Variants in DNAH7 observed in about 807,000 individuals in gnomAD.
DNAH7 encodes axonemal beta dynein heavy chain 7.
In DNAH7, 397 loss-of-function variants were observed where a neutral mutation model predicts 444.6. That is an observed-to-expected ratio of 0.89 (90% CI 0.82 to 0.97). DNAH7 has a LOEUF of 0.97. Among genes scored for constraint, DNAH7 ranks in the 50% least tolerant of loss-of-function variants. DNAH7 has a pLI of 0.00. For missense variants in DNAH7, 4,902 were observed against 4,800.8 expected (o/e 1.02, Z -0.62); for synonymous variants, 1,636 against 1,624.4 (o/e 1.01, Z -0.17).
chr2:195,771,503 T>C (rs185171377), intron 61 of DNAH7, among the ~76,000 whole-genome samples, 157 bp downstream of exon 61: 1 of 152,342 alleles, frequency 6.6e-6, no homozygotes, highest in African/African-American at 2.4e-5. Flanking sequence ...CCCAGAATTC[T>C]ATAAGCTCCT....
chr2:195,875,889 C>T, intron 37 of DNAH7, 46 bp from the exon 38 acceptor site: 1 of 1,548,490 alleles, frequency 6.5e-7, no homozygotes, highest in Non-Finnish European at 8.7e-7. Flanking sequence ...AACATCTCAA[C>T]ATACAGTCCT....
At chr2:195,982,643 AT>A (rs1225292573) in intron 15 of DNAH7, among the ~76,000 whole-genome samples, 1 of 152,266 alleles carries the variant, frequency 6.6e-6, no homozygotes, top group Non-Finnish European at 1.5e-5. Flanking sequence ...CTATTCAGTT[AT>A]AAAAAAGAAT....
intron 17 of DNAH7, among the ~76,000 whole-genome samples, chr2:195,963,215 C>T (rs954979015): frequency 6.6e-6 from 1 of 152,208 alleles, no homozygotes; most frequent in African/African-American, 2.4e-5. Context: ...GTTGTACTAA[C>T]TTACCTTCCA....
chr2:195,750,873 A>C (rs1693759392), intron 63 of DNAH7, among the ~76,000 whole-genome samples: 1 of 152,194 alleles, frequency 6.6e-6, no homozygotes, highest in African/African-American at 2.4e-5. Flanking sequence ...CCATTGCCAA[A>C]TACTTAATTT....
At chr2:195,934,865 G>A (rs2125407274) in intron 20 of DNAH7, 76 bp from the exon 21 acceptor site, 1 of 1,473,798 alleles carries the variant, frequency 6.8e-7, no homozygotes, top group East Asian at 2.4e-5. Flanking sequence ...TTCGTTTAAA[G>A]TTCATAAATG....
At chr2:195,987,384 C>A (rs1692992072) in intron 13 of DNAH7, among the ~76,000 whole-genome samples, 191 bp from the exon 14 acceptor site, 1 of 151,838 alleles carries the variant, frequency 6.6e-6, no homozygotes, top group South Asian at 2.1e-4. Context: ...GGGTAAATAT[C>A]CTTGAAAAGT....
chr2:195,783,775 G>T (rs1171082747), intron 58 of DNAH7, among the ~76,000 whole-genome samples: 3 of 152,116 alleles, frequency 2.0e-5, no homozygotes, highest in South Asian at 2.1e-4. Flanking sequence ...TCTCCATTCT[G>T]TTGTAAGAGT....
intron 60 of DNAH7, 150 bp from the exon 61 acceptor site, chr2:195,772,040 T>A (rs1367730401): frequency 1.4e-6 from 1 of 695,922 alleles, no homozygotes; most frequent in African/African-American, 1.8e-5. Flanking sequence ...ATTAAAGTGA[T>A]GGTAACAGGC....
chr2:195,783,826 C>G (rs1379863897), intron 58 of DNAH7, among the ~76,000 whole-genome samples: 1 of 152,052 alleles, frequency 6.6e-6, no homozygotes, highest in African/African-American at 2.4e-5. Context: ...AAAAGCACAC[C>G]AATAACAACA....
intron 21 of DNAH7, among the ~76,000 whole-genome samples, chr2:195,929,312 C>T (rs1210973697): frequency 1.3e-5 from 2 of 152,062 alleles, no homozygotes; most frequent in African/African-American, 4.8e-5. Context: ...AAGCAACCTA[C>T]AAATTCAACA....
At chr2:195,957,486 C>A (rs1442091912) in intron 18 of DNAH7, 39 bp from the exon 19 acceptor site, 1 of 1,439,168 alleles carries the variant, frequency 6.9e-7, no homozygotes, top group Non-Finnish European at 9.2e-7. Context: ...TGACAGCAAA[C>A]CAAGCAAATG....
intron 48 of DNAH7, among the ~76,000 whole-genome samples, chr2:195,824,768 G>A (rs1207033581): frequency 6.6e-6 from 1 of 152,088 alleles, no homozygotes; most frequent in Non-Finnish European, 1.5e-5. Flanking sequence ...ATCCATCTGA[G>A]ACACCAGAGA....
At chr2:195,986,137 TC>T (rs1268216234) in intron 14 of DNAH7, among the ~76,000 whole-genome samples, 1 of 152,122 alleles carries the variant, frequency 6.6e-6, no homozygotes, top group Non-Finnish European at 1.5e-5. Context: ...TTCTCCCCTC[TC>T]CCCCAAACTC....
chr2:195,933,490 G>C (rs1023134035), intron 21 of DNAH7, among the ~76,000 whole-genome samples: 6 of 152,118 alleles, frequency 3.9e-5, no homozygotes, highest in Admixed American at 3.3e-4. Context: ...CAAAGACTTG[G>C]AGCCAACCCA....
intron 63 of DNAH7, among the ~76,000 whole-genome samples, chr2:195,744,073 G>A (rs561025037): frequency 3.9e-4 from 59 of 152,316 alleles, no homozygotes; most frequent in South Asian, 1.0e-3. Flanking sequence ...TGCCTCACTC[G>A]GGAAGCGCAA....
intron 58 of DNAH7, among the ~76,000 whole-genome samples, chr2:195,778,221 AATTT>A (rs1695158892): frequency 6.6e-6 from 1 of 152,092 alleles, no homozygotes; most frequent in Admixed American, 6.6e-5. Flanking sequence ...TTAAGTTGTG[AATTT>A]ATTGTCTATT....
chr2:195,848,592 CTGTT>C (rs1699161400), intron 46 of DNAH7, among the ~76,000 whole-genome samples: 1 of 152,206 alleles, frequency 6.6e-6, no homozygotes, highest in African/African-American at 2.4e-5. Flanking sequence ...AGGCAGAACT[CTGTT>C]AGTTATAGCT....
chr2:195,809,939 T>G, intron 51 of DNAH7, 68 bp from the exon 52 acceptor site: 1 of 1,251,600 alleles, frequency 8.0e-7, no homozygotes, highest in Non-Finnish European at 1.0e-6. Context: ...CTTAAGAAAC[T>G]TACATGTATG....
rs557273559 is a variant in DNAH7, at chr2:195,917,352, C to T, written c.3935+4736G>A. On this transcript the variant is annotated intron_variant, in intron 24 of 64. Transcript: ENST00000312428. The stretch of plus-strand genomic sequence containing the variant: ...AACACACCTCAAGTGAGCATGGGTA[C>T]AACTCCAGTAAACACACTGCACATG... 2.6e-5 allele frequency among the ~76,000 whole-genome samples: 4 copies of T among 152,198 alleles called. No individual in the cohort carries two copies. The East Asian group carries it at 7.8e-4, about 30-fold the overall frequency.
Sources: allele counts gnomAD v4.1 joint callset (sites outside exome capture counted in the v4.1 genomes callset), GRCh38; gene constraint gnomAD v4.1.1; transcripts MANE v1.5; gene names NCBI Gene and HGNC (gene_info 2026-07-23, HGNC 2026-07-21).